EPSTI1: variants seen among roughly 807,000 people sequenced by gnomAD.
The protein encoded by EPSTI1 is epithelial-stromal interaction protein 1.
In EPSTI1, 66 loss-of-function variants were observed where a neutral mutation model predicts 49.9. The ratio of observed to expected loss-of-function variants is 1.32; its 90% CI spans 1.08 to 1.62. EPSTI1 has a LOEUF of 1.62. Ranked by LOEUF, EPSTI1 falls within the 40% of genes most tolerant of loss-of-function variation. The pLI is 0.00. For missense variants in EPSTI1, 394 were observed against 365.5 expected (o/e 1.08, Z -0.64); for synonymous variants, 137 against 130.7 (o/e 1.05, Z -0.33).
chr13:42,888,186 C>T lies in EPSTI1; in HGVS notation c.*308G>A. The T allele has an allele frequency of 6.4e-7, 1 of 1,573,348 alleles. No individual in the cohort carries two copies. The highest frequency in any genetic ancestry group is 8.7e-7 in the Non-Finnish European group (1 of 1,153,794). ...TGTAGCACCCATAGCTCTGATTAAC[C>T]TGAAAGCATCAAGTGACTCCCTCTT... On this transcript the variant is annotated 3_prime_UTR_variant, in exon 11 of 11. Coordinates refer to ENST00000313624, the MANE Select transcript of EPSTI1 (RefSeq NM_033255.5).
At chr13:42,926,030 A>AGGAT (rs2038161489) in intron 7 of EPSTI1, among the ~76,000 whole-genome samples, 1 of 150,602 alleles carries the variant, frequency 6.6e-6, no homozygotes, top group Non-Finnish European at 1.5e-5. Flanking sequence ...CATGGATGGA[A>AGGAT]GGAAGGAAGG....
rs71202243 is a variant in EPSTI1 at position 42,917,642 on chromosome 13, G to GAA, written c.658-20_658-19dup. 162,421 of 420,908 alleles carry GAA rather than the reference G, an allele frequency of 0.39. 32,758 individuals are homozygous for GAA. The highest frequency in any genetic ancestry group is 0.44 in the Admixed American group (11,957 of 26,986). The allele number at this position is 420,908 out of a possible 1,614,324, so 26.1% of individuals were successfully genotyped here. ...CTTCTGGCCTGTAAAGGTACAAAGA[G>GAA]AAAAAAAAAAAAAAAAACAACTTGA... On this transcript the variant is annotated intron_variant, in intron 7 of 10. Coordinates refer to ENST00000313624, the MANE Select transcript of EPSTI1 (RefSeq NM_033255.5).
chr13:42,939,681 A>G (rs2153425189), intron 6 of EPSTI1, among the ~76,000 whole-genome samples: 1 of 152,354 alleles, frequency 6.6e-6, no homozygotes, highest in East Asian at 1.9e-4. Flanking sequence ...ATCACTGATC[A>G]TGGATCACCA....
chr13:42,915,257 T>G (rs370690846), intron 8 of EPSTI1, among the ~76,000 whole-genome samples: 1 of 152,162 alleles, frequency 6.6e-6, no homozygotes, highest in East Asian at 1.9e-4. Context: ...TTTGGCCAGG[T>G]GCGGTGGCTC....
At chr13:42,925,038 C>T (rs1005924606) in intron 7 of EPSTI1, among the ~76,000 whole-genome samples, 2 of 152,158 alleles carry the variant, frequency 1.3e-5, no homozygotes, top group African/African-American at 4.8e-5. Context: ...TCCTTAATTA[C>T]ACTTACTTTC....
intron 8 of EPSTI1, among the ~76,000 whole-genome samples, chr13:42,903,519 C>CA (rs1303129163): frequency 6.6e-6 from 1 of 152,126 alleles, no homozygotes; most frequent in Non-Finnish European, 1.5e-5. Context: ...ACCTATGTAA[C>CA]AAACCTGCAC....
chr13:42,919,133 G>A (rs1215754257), intron 7 of EPSTI1, among the ~76,000 whole-genome samples: 2 of 152,094 alleles, frequency 1.3e-5, no homozygotes, highest in Non-Finnish European at 2.9e-5. Flanking sequence ...TCATTTTGTT[G>A]TTCTTTTATT....
intron 1 of EPSTI1, among the ~76,000 whole-genome samples, chr13:42,982,526 C>T (rs1033269836): frequency 2.6e-5 from 4 of 152,214 alleles, no homozygotes; most frequent in Admixed American, 6.5e-5. Context: ...CAAGAACCTT[C>T]TCTTGGGGTC....
intron 5 of EPSTI1, 114 bp downstream of exon 5, chr13:42,963,141 A>G (rs909220620): frequency 4.0e-6 from 3 of 758,134 alleles, no homozygotes; most frequent in South Asian, 3.4e-5. Flanking sequence ...GGGGAATAGA[A>G]AGAGAGAGAG....
intron 7 of EPSTI1, among the ~76,000 whole-genome samples, chr13:42,923,194 G>A (rs1364156353): frequency 6.6e-6 from 1 of 152,134 alleles, no homozygotes; most frequent in African/African-American, 2.4e-5. Flanking sequence ...AAGATATGGG[G>A]GACCACTGAA....
intron 8 of EPSTI1, among the ~76,000 whole-genome samples, chr13:42,914,347 C>A (rs1420176210): frequency 6.6e-6 from 1 of 151,810 alleles, no homozygotes; most frequent in Non-Finnish European, 1.5e-5. Context: ...AATAGGAACT[C>A]AATACATGTT....
At chr13:42,929,838 A>T (rs1390667970) in intron 6 of EPSTI1, among the ~76,000 whole-genome samples, 1 of 152,250 alleles carries the variant, frequency 6.6e-6, no homozygotes, top group East Asian at 1.9e-4. Context: ...CCCCACACAG[A>T]CTATGGTGGT....
chr13:42,896,974 C>G lies in EPSTI1; in HGVS notation c.816-1866G>C, dbSNP rs185437529. 7.4e-3 allele frequency among the ~76,000 whole-genome samples: 1,130 copies of G among 152,112 alleles called. 8 individuals are homozygous for G. Among genetic ancestry groups the G allele is most frequent in the Non-Finnish European group, 0.011 (741 of 68,004 alleles). On this transcript the variant is annotated intron_variant, in intron 9 of 10. Coordinates refer to ENST00000313624, the MANE Select transcript of EPSTI1 (RefSeq NM_033255.5). ...AATTAGCCCGGCATGGTGGTGGGCA[C>G]CTATAGTCCCAGCTACTCAGGAGGC...
intron 1 of EPSTI1, among the ~76,000 whole-genome samples, chr13:42,989,567 C>CTTTTTTTTTTTTTTTTTCTTTTTTTTTT: frequency 2.5e-5 from 2 of 79,020 alleles, no homozygotes; most frequent in Non-Finnish European, 5.0e-5. Context: ...CCTCTTTTTT[C>CTTTTTTTTTTTTTTTTTCTTTTTTTTTT]TTTTTTTTTT....
intron 6 of EPSTI1, among the ~76,000 whole-genome samples, chr13:42,939,066 C>T (rs543993884): frequency 1.3e-5 from 2 of 152,272 alleles, no homozygotes; most frequent in East Asian, 1.9e-4. Flanking sequence ...CCTTAAACCT[C>T]ATGAACCAAC....
At chr13:42,967,709 G>A (rs2039659014) in intron 3 of EPSTI1, among the ~76,000 whole-genome samples, 1 of 152,120 alleles carries the variant, frequency 6.6e-6, no homozygotes, top group Admixed American at 6.6e-5. Flanking sequence ...GCAGAGAGTG[G>A]GGGATGCTGA....
intron 8 of EPSTI1, among the ~76,000 whole-genome samples, chr13:42,903,256 T>C (rs930183896): frequency 6.6e-6 from 1 of 151,892 alleles, no homozygotes; most frequent in South Asian, 2.1e-4. Context: ...CTTGGCAAAA[T>C]GATCATGCAA....
chr13:42,926,990 G>C (rs899440897), intron 6 of EPSTI1, among the ~76,000 whole-genome samples: 36 of 144,714 alleles, frequency 2.5e-4, no homozygotes, highest in African/African-American at 7.5e-4. Flanking sequence ...TCTGTTAACA[G>C]ACACACACAC....
intron 5 of EPSTI1, among the ~76,000 whole-genome samples, chr13:42,955,366 C>G (rs527836473): frequency 2.3e-4 from 35 of 152,138 alleles, no homozygotes; most frequent in Admixed American, 2.0e-3. Flanking sequence ...ACTCAGAGAA[C>G]AGTGAGAAAG....
Sources: gnomAD v4.1 joint callset for allele counts (sites outside exome capture counted in the v4.1 genomes callset) on GRCh38, gnomAD v4.1.1 for gene constraint, MANE v1.5 for transcripts, NCBI Gene and HGNC (gene_info 2026-07-23, HGNC 2026-07-21) for gene names.